Variants in MAML2 observed in about 807,000 individuals in gnomAD.
The protein encoded by MAML2 is mastermind like transcriptional coactivator 2, also known as mastermind-like protein 2.
In MAML2, 22 loss-of-function variants were observed where a neutral mutation model predicts 96.1. The observed-to-expected ratio is 0.23, with a 90% CI of 0.16 to 0.33. MAML2 has a LOEUF of 0.33. MAML2 is among the 10% of genes least tolerant of loss of function. The pLI is 1.00. For missense variants in MAML2, 1,367 were observed against 1,392.4 expected (o/e 0.98, Z 0.29); for synonymous variants, 561 against 521.3 (o/e 1.08, Z -1.04).
intron 1 of MAML2, among the ~76,000 whole-genome samples, chr11:96,141,343 A>C (rs1276083645): frequency 6.6e-6 from 1 of 152,160 alleles, no homozygotes; most frequent in Non-Finnish European, 1.5e-5. Context: ...TTTACCTGGA[A>C]ACCCTACCAG....
At chr11:95,997,395 C>A (rs1462616688) in intron 2 of MAML2, among the ~76,000 whole-genome samples, 2 of 152,150 alleles carry the variant, frequency 1.3e-5, no homozygotes, top group African/African-American at 4.8e-5. Context: ...ATGGATAAAA[C>A]TTCTTGGTCC....
At chr11:96,006,331 C>T (rs983527595) in intron 2 of MAML2, among the ~76,000 whole-genome samples, 19 of 152,008 alleles carry the variant, frequency 1.2e-4, no homozygotes, top group African/African-American at 4.3e-4. Context: ...CTGCAGGGTA[C>T]CAAAATGATG....
intron 1 of MAML2, among the ~76,000 whole-genome samples, chr11:96,169,468 T>G (rs952075785): frequency 6.6e-6 from 1 of 152,186 alleles, no homozygotes; most frequent in Non-Finnish European, 1.5e-5. Context: ...CTCGAGCTCC[T>G]CCTTCTAAAA....
At chr11:96,037,704 C>A (rs1224172814) in intron 2 of MAML2, among the ~76,000 whole-genome samples, 4 of 152,146 alleles carry the variant, frequency 2.6e-5, no homozygotes, top group Admixed American at 2.6e-4. Flanking sequence ...ATCTTTTCTC[C>A]CAGAGGGAGC....
chr11:96,120,668 C>A (rs1374368700), intron 1 of MAML2, among the ~76,000 whole-genome samples: 2 of 152,166 alleles, frequency 1.3e-5, no homozygotes, highest in Admixed American at 6.5e-5. Flanking sequence ...GAGCAAGACG[C>A]TAGGGTAAGC....
intron 2 of MAML2, among the ~76,000 whole-genome samples, chr11:96,040,199 T>C (rs1032491145): frequency 3.9e-5 from 6 of 152,178 alleles, no homozygotes; most frequent in Non-Finnish European, 7.3e-5. Context: ...ATAAAAATCC[T>C]GGCATTCATA....
intron 1 of MAML2, among the ~76,000 whole-genome samples, chr11:96,193,550 A>C (rs1202625308): frequency 6.6e-6 from 1 of 152,226 alleles, no homozygotes; most frequent in Non-Finnish European, 1.5e-5. Context: ...AGCTCCAGAA[A>C]TAAGAAGACA....
chr11:96,266,015 A>C (rs1475442744), intron 1 of MAML2, among the ~76,000 whole-genome samples: 1 of 152,148 alleles, frequency 6.6e-6, no homozygotes, highest in Non-Finnish European at 1.5e-5. Context: ...CTGCCTTTGG[A>C]TGGCTACACT....
intron 1 of MAML2, among the ~76,000 whole-genome samples, chr11:96,266,819 C>T (rs972050298): frequency 3.9e-5 from 6 of 152,182 alleles, no homozygotes; most frequent in African/African-American, 1.2e-4. Context: ...GGACATGCCT[C>T]GGTGAATATC....
intron 2 of MAML2, among the ~76,000 whole-genome samples, chr11:96,067,002 C>T (rs1240262578): frequency 2.6e-5 from 4 of 152,108 alleles, no homozygotes; most frequent in Non-Finnish European, 2.9e-5. Flanking sequence ...AGTGTGTGTG[C>T]ACACGCATGC....
At chr11:96,074,208 T>A (rs952802904) in intron 2 of MAML2, among the ~76,000 whole-genome samples, 1 of 152,252 alleles carries the variant, frequency 6.6e-6, no homozygotes, top group Non-Finnish European at 1.5e-5. Flanking sequence ...TTAGGGAAAC[T>A]GAGGCAGAGT....
In MAML2 at chr11:95,979,012, T is replaced by C; in HGVS notation, c.3407A>G (p.Glu1136Gly). Residue 1136 changes from glutamate to glycine, a missense_variant, in exon 5 of 5, where the codon GAG becomes GGG. Physicochemically the swap from Glu to Gly is moderately conservative, Grantham distance 98. Transcript: ENST00000524717. ...TTTCATCCAGTCATCATTACCAGGC[T>C]CTGTCTTCAATAAAGAATCAATGAA... ...ADFIDSLLKT[E>G]PGNDDWMKDI... 6.2e-7 allele frequency: 1 copy of C among 1,613,954 alleles called. No individual in the cohort carries two copies. The highest frequency in any genetic ancestry group is 8.5e-7 in the Non-Finnish European group (1 of 1,179,876).
chr11:96,075,625 A>G (rs947885200), intron 2 of MAML2, among the ~76,000 whole-genome samples: 2 of 152,190 alleles, frequency 1.3e-5, no homozygotes, highest in Admixed American at 1.3e-4. Context: ...TCTGGAAGGT[A>G]TAATGTAAAA....
intron 1 of MAML2, among the ~76,000 whole-genome samples, chr11:96,135,115 C>T (rs1860607458): frequency 6.6e-6 from 1 of 152,174 alleles, no homozygotes; most frequent in Admixed American, 6.5e-5. Context: ...TAGGCACAGT[C>T]CTCATGAATG....
intron 2 of MAML2, among the ~76,000 whole-genome samples, chr11:96,059,413 G>T (rs1310755589): frequency 6.6e-6 from 1 of 152,164 alleles, no homozygotes; most frequent in Non-Finnish European, 1.5e-5. Context: ...CTTTGAGTCA[G>T]ATTTTTAAAA....
At chr11:96,022,194 G>T (rs1858446247) in intron 2 of MAML2, among the ~76,000 whole-genome samples, 2 of 152,178 alleles carry the variant, frequency 1.3e-5, no homozygotes, top group Admixed American at 1.3e-4. Flanking sequence ...ATTTCATTTT[G>T]CTCATAACAG....
intron 1 of MAML2, among the ~76,000 whole-genome samples, chr11:96,156,827 A>G (rs544362774): frequency 1.3e-5 from 2 of 152,340 alleles, no homozygotes; most frequent in African/African-American, 4.8e-5. Flanking sequence ...AGGTCTCTTT[A>G]TACAATGTTT....
chr11:96,200,301 C>T (rs1861800132), intron 1 of MAML2, among the ~76,000 whole-genome samples: 1 of 152,232 alleles, frequency 6.6e-6, no homozygotes, highest in East Asian at 1.9e-4. Context: ...CATGGCTGAG[C>T]TCTGCATGGC....
At chr11:96,046,043 C>T (rs1021579553) in intron 2 of MAML2, among the ~76,000 whole-genome samples, 4 of 152,064 alleles carry the variant, frequency 2.6e-5, no homozygotes, top group Non-Finnish European at 4.4e-5. Flanking sequence ...TTTCTTTCTC[C>T]TTCTCCTTCA....
Sources: gnomAD v4.1 joint callset for allele counts (sites outside exome capture counted in the v4.1 genomes callset) on GRCh38, gnomAD v4.1.1 for gene constraint, MANE v1.5 for transcripts, NCBI Gene and HGNC (gene_info 2026-07-23, HGNC 2026-07-21) for gene names.